The following NEDD4 variants were observed in gnomAD, a reference collection of about 807,000 sequenced individuals.
NEDD4 encodes E3 ubiquitin-protein ligase NEDD4.
Under a neutral mutation model 144.9 loss-of-function variants are expected in NEDD4, and 99 were observed. That is an observed-to-expected ratio of 0.68 (90% CI 0.58 to 0.81). The LOEUF (loss-of-function observed/expected upper bound fraction) is 0.81. Among genes scored for constraint, NEDD4 ranks in the 30% least tolerant of loss-of-function variants. The pLI, the probability that NEDD4 is intolerant of heterozygous loss-of-function variation, is 0.00. For missense variants in NEDD4, 985 were observed against 1,065.9 expected (o/e 0.92, Z 1.06); for synonymous variants, 318 against 350.6 (o/e 0.91, Z 1.04).
intron 5 of NEDD4, among the ~76,000 whole-genome samples, chr15:55,904,450 G>A (rs2036020194): frequency 6.6e-6 from 1 of 151,946 alleles, no homozygotes; most frequent in Non-Finnish European, 1.5e-5. Context: ...TTACAGGCGT[G>A]CACCAACACG....
chr15:55,917,969 T>C (rs1172103023), intron 5 of NEDD4, among the ~76,000 whole-genome samples: 1 of 152,158 alleles, frequency 6.6e-6, no homozygotes, highest in African/African-American at 2.4e-5. Context: ...CAAATAAACA[T>C]GTCTCAATGC....
intron 8 of NEDD4, among the ~76,000 whole-genome samples, chr15:55,865,991 G>A (rs2034572973): frequency 6.6e-6 from 1 of 152,030 alleles, no homozygotes; most frequent in African/African-American, 2.4e-5. Flanking sequence ...GAGTGCAGTG[G>A]TGCCATCACA....
intron 5 of NEDD4, among the ~76,000 whole-genome samples, chr15:55,877,302 T>C (rs1481383928): frequency 6.6e-6 from 1 of 152,226 alleles, no homozygotes; most frequent in African/African-American, 2.4e-5. Context: ...TTTCATAATC[T>C]TGACATTTTT....
chr15:55,866,347 T>C (rs1325487563), intron 8 of NEDD4, among the ~76,000 whole-genome samples: 3 of 152,128 alleles, frequency 2.0e-5, no homozygotes, highest in African/African-American at 4.8e-5. Flanking sequence ...ATGTTGATCT[T>C]CCTTCTTTCT....
At chr15:55,841,413 C>T (rs2141984165) in intron 19 of NEDD4, among the ~76,000 whole-genome samples, 1 of 152,230 alleles carries the variant, frequency 6.6e-6, no homozygotes, top group East Asian at 1.9e-4. Flanking sequence ...GAGTCAAATT[C>T]ATAGGGACAG....
chr15:55,837,758 T>C (rs1193304282), intron 24 of NEDD4, 31 bp downstream of exon 24: 1 of 1,560,002 alleles, frequency 6.4e-7, no homozygotes, highest in African/African-American at 1.4e-5. Context: ...ACTGTGACAT[T>C]ATGGAAGAGC....
chr15:55,915,803 C>A (rs771794513), intron 5 of NEDD4: 4 of 1,613,466 alleles, frequency 2.5e-6, no homozygotes, highest in Non-Finnish European at 3.4e-6. Context: ...TCCTGTGAAG[C>A]GGCCGTATGT....
At chr15:55,874,289 T>C (rs1290941337) in intron 5 of NEDD4, among the ~76,000 whole-genome samples, 2 of 152,026 alleles carry the variant, frequency 1.3e-5, no homozygotes, top group African/African-American at 2.4e-5. Context: ...AAGCAGAAAC[T>C]GGAGGGATGT....
chr15:55,952,227 G>C (rs1449875325), intron 2 of NEDD4, among the ~76,000 whole-genome samples: 2 of 151,894 alleles, frequency 1.3e-5, no homozygotes, highest in East Asian at 3.9e-4. Context: ...ACAACTACTC[G>C]GGAGGCTGAG....
At chr15:55,979,927 T>TC (rs199891346) in intron 1 of NEDD4, among the ~76,000 whole-genome samples, 2,862 of 152,004 alleles carry the variant, frequency 0.019, 103 homozygotes, top group African/African-American at 0.066. Flanking sequence ...CTTTTTTTTT[T>TC]TGAGATGGAG....
At chr15:55,867,451 C>T (rs553385537) in intron 8 of NEDD4, among the ~76,000 whole-genome samples, 18 of 152,316 alleles carry the variant, frequency 1.2e-4, no homozygotes, top group South Asian at 4.1e-4. Context: ...ATGATGCGTG[C>T]ATGTGGGCAA....
intron 4 of NEDD4, among the ~76,000 whole-genome samples, chr15:55,941,095 A>C (rs1381901382): frequency 6.6e-6 from 1 of 152,104 alleles, no homozygotes; most frequent in Non-Finnish European, 1.5e-5. Context: ...TCTGATTCCT[A>C]ATATTGGTCA....
intron 1 of NEDD4, among the ~76,000 whole-genome samples, chr15:55,969,070 CT>C (rs1295693684): frequency 1.3e-5 from 2 of 152,216 alleles, no homozygotes; most frequent in Non-Finnish European, 2.9e-5. Flanking sequence ...CACACCACCC[CT>C]CCCACATGCC....
chr15:55,954,335 C>T lies in NEDD4; in HGVS notation c.120-2746G>A, dbSNP rs151138595. ...TCTGCCAGTTAAATACTGATATTCC[C>T]TAAGTATTGCCCCAGCCCTCTGTTC... is the stretch of plus-strand genomic sequence containing the variant. On this transcript the variant is annotated intron_variant, in intron 2 of 28. Coordinates refer to ENST00000435532, the MANE Select transcript of NEDD4 (RefSeq NM_006154.4). Among the ~76,000 whole-genome samples, 618 of 152,286 alleles carry T rather than the reference C, an allele frequency of 4.1e-3. 5 individuals are homozygous for T. The highest frequency in any genetic ancestry group is 0.014 in the African/African-American group (596 of 41,568).
At chr15:55,968,702 C>T (rs2037558131) in intron 1 of NEDD4, among the ~76,000 whole-genome samples, 1 of 152,132 alleles carries the variant, frequency 6.6e-6, no homozygotes, top group Non-Finnish European at 1.5e-5. Context: ...ATTGATGGAT[C>T]ATTCTAAAGA....
At chr15:55,852,326 G>C in intron 13 of NEDD4, 98 bp downstream of exon 13, 8 of 1,257,452 alleles carry the variant, frequency 6.4e-6, no homozygotes, top group Middle Eastern at 2.1e-4. Context: ...GAAGGTGGTA[G>C]AAGTATCCAG....
intron 11 of NEDD4, among the ~76,000 whole-genome samples, chr15:55,858,224 A>G (rs533327823): frequency 6.6e-6 from 1 of 152,236 alleles, no homozygotes; most frequent in African/African-American, 2.4e-5. Context: ...TATGGTTGCC[A>G]TGTATTACTT....
chr15:55,840,765 A>G, intron 19 of NEDD4, 38 bp from the exon 20 acceptor site: 1 of 1,573,916 alleles, frequency 6.4e-7, no homozygotes, highest in East Asian at 2.3e-5. Context: ...TCATTTGAAA[A>G]ACTTTAATAT....
intron 1 of NEDD4, among the ~76,000 whole-genome samples, chr15:55,976,283 G>C (rs1196826717): frequency 5.3e-5 from 8 of 152,244 alleles, no homozygotes; most frequent in Admixed American, 5.2e-4. Context: ...AACAAAGTTA[G>C]GAGACAGACC....
Sources: gnomAD v4.1 joint callset for allele counts (sites outside exome capture counted in the v4.1 genomes callset) on GRCh38, gnomAD v4.1.1 for gene constraint, MANE v1.5 for transcripts, NCBI Gene and HGNC (gene_info 2026-07-23, HGNC 2026-07-21) for gene names.